Variants in TMPRSS15 observed in about 807,000 individuals in gnomAD.
TMPRSS15 encodes transmembrane serine protease 15, also known as enteropeptidase.
TMPRSS15 carries 128 observed loss-of-function variants against 125.3 expected under a neutral mutation model. That is an observed-to-expected ratio of 1.02 (90% CI 0.89 to 1.18). TMPRSS15 has a LOEUF of 1.18. TMPRSS15 is among the 50% of genes most tolerant of loss of function. The pLI, the probability that TMPRSS15 is intolerant of heterozygous loss-of-function variation, is 0.00. For synonymous variants in TMPRSS15, 446 were observed against 423.2 expected (o/e 1.05, Z -0.66); for missense variants, 1,283 against 1,212.7 (o/e 1.06, Z -0.86).
intron 6 of TMPRSS15, among the ~76,000 whole-genome samples, chr21:18,365,745 T>C: frequency 7.6e-6 from 1 of 131,190 alleles, no homozygotes; most frequent in African/African-American, 3.3e-5. Flanking sequence ...CTTTTTTCCT[T>C]TTTTTTTTTT....
In TMPRSS15 at chr21:18,359,689, A is replaced by G. The variant is rs908555041; in HGVS notation, c.880+68T>C. The G allele has an allele frequency of 6.7e-6, 5 of 746,794 alleles. No individual in the cohort carries two copies. In the African/African-American group the frequency reaches 8.8e-5, roughly 13 times the overall value. The allele number at this position is 746,794 out of a possible 1,614,324, so 46.3% of individuals were successfully genotyped here. A position where few individuals can be genotyped will look rare whatever the true frequency, so the allele number is the denominator to read the frequency against. Reference sequence around the variant, plus strand: ...TTCACTTCAAAATCAAAGGGAAAACATACCACTCCAAAAATTTACCCACAT... The same window carrying G: ...TTCACTTCAAAATCAAAGGGAAAACGTACCACTCCAAAAATTTACCCACAT... On this transcript the variant is annotated intron_variant, in intron 8 of 24. Transcript: ENST00000284885.
intron 6 of TMPRSS15, among the ~76,000 whole-genome samples, chr21:18,369,088 T>A (rs903430766): frequency 2.0e-5 from 3 of 151,646 alleles, no homozygotes; most frequent in African/African-American, 7.3e-5. Flanking sequence ...TAGTGCAGCA[T>A]CAGAAAAAAA....
chr21:18,427,298 C>T (rs2076204794), intron 1 of TMPRSS15, among the ~76,000 whole-genome samples: 1 of 152,178 alleles, frequency 6.6e-6, no homozygotes, highest in South Asian at 2.1e-4. Flanking sequence ...TGAAAGTGTA[C>T]AGCTTTTTTA....
intron 1 of TMPRSS15, among the ~76,000 whole-genome samples, chr21:18,402,309 A>G (rs1404523367): frequency 6.6e-6 from 1 of 152,146 alleles, no homozygotes; most frequent in Non-Finnish European, 1.5e-5. Flanking sequence ...AGGTGGGCAG[A>G]TACGAGGTCA....
At chr21:18,460,457 C>A (rs1014062448) in intron 1 of TMPRSS15, 42 of 151,944 alleles carry the variant, frequency 2.8e-4, no homozygotes, top group African/African-American at 1.0e-3. Context: ...AATATTTTAC[C>A]TAAGTTATTC....
At chr21:18,467,190 A>T (rs1275695184) in intron 1 of TMPRSS15, among the ~76,000 whole-genome samples, 1 of 152,096 alleles carries the variant, frequency 6.6e-6, no homozygotes, top group Non-Finnish European at 1.5e-5. Flanking sequence ...GTTCTCACTC[A>T]TAAGTGGGAG....
intron 21 of TMPRSS15, among the ~76,000 whole-genome samples, chr21:18,292,438 A>T (rs1312579609): frequency 6.6e-6 from 1 of 152,164 alleles, no homozygotes; most frequent in Non-Finnish European, 1.5e-5. Context: ...CTCTGGTAAC[A>T]ATTGGACATG....
At chr21:18,368,343 A>G (rs1259109431) in intron 6 of TMPRSS15, among the ~76,000 whole-genome samples, 5 of 152,224 alleles carry the variant, frequency 3.3e-5, no homozygotes, top group African/African-American at 1.2e-4. Context: ...TCCTGAGCAC[A>G]TGACTAAACT....
chr21:18,310,195 C>G (rs548869439), intron 18 of TMPRSS15, among the ~76,000 whole-genome samples: 8 of 152,178 alleles, frequency 5.3e-5, no homozygotes, highest in Admixed American at 4.6e-4. Context: ...CAGTATAACA[C>G]TGAAAGTCCT....
intron 15 of TMPRSS15, among the ~76,000 whole-genome samples, chr21:18,328,319 G>A (rs2075312877): frequency 7.9e-5 from 12 of 152,092 alleles, no homozygotes; most frequent in Admixed American, 7.9e-4. Flanking sequence ...CTACACAGAA[G>A]CAGCTAGTAC....
Position 18,269,317 on chromosome 21 carries a change from A to G in TMPRSS15, c.*652T>C, listed in dbSNP as rs955677816. ...TGCTTGAAATAAATAGGTAAAATTT[A>G]TCTAATATACAATGACTATATCAGT... On this transcript the variant is annotated 3_prime_UTR_variant, in exon 25 of 25. Transcript: ENST00000284885. 3 of 152,222 alleles carry G rather than the reference A, an allele frequency of 2.0e-5. No individual in the cohort carries two copies. The highest frequency in any genetic ancestry group is 6.5e-5 in the Admixed American group (1 of 15,282). 9.4% of individuals were successfully genotyped at this position (152,222 alleles called of 1,614,324 possible).
intron 1 of TMPRSS15, among the ~76,000 whole-genome samples, chr21:18,459,751 T>A (rs1378877376): frequency 2.6e-5 from 4 of 152,206 alleles, no homozygotes; most frequent in Non-Finnish European, 5.9e-5. Flanking sequence ...ATGGGAATTG[T>A]TTTAAATATA....
At chr21:18,459,403 A>T (rs550611139) in intron 1 of TMPRSS15, among the ~76,000 whole-genome samples, 85 of 151,968 alleles carry the variant, frequency 5.6e-4, no homozygotes, top group Non-Finnish European at 1.1e-3. Context: ...CCTCTCGAGT[A>T]GCTGGGACTG....
intron 1 of TMPRSS15, among the ~76,000 whole-genome samples, chr21:18,468,554 GT>G (rs1978712831): frequency 1.3e-5 from 2 of 151,874 alleles, no homozygotes; most frequent in African/African-American, 4.8e-5. Context: ...TCAACAAAAA[GT>G]TTTGCCTTTT....
chr21:18,482,623 AT>A (rs956174214), intron 1 of TMPRSS15, among the ~76,000 whole-genome samples: 3 of 151,146 alleles, frequency 2.0e-5, no homozygotes, highest in Admixed American at 1.3e-4. Flanking sequence ...TATTCCTTCA[AT>A]TTTTTTTGTA....
intron 17 of TMPRSS15, among the ~76,000 whole-genome samples, chr21:18,314,419 C>T (rs961082641): frequency 1.8e-4 from 28 of 152,238 alleles, no homozygotes; most frequent in African/African-American, 5.1e-4. Context: ...GCTGGGATTA[C>T]AGGCACCCAC....
rs1247245931 is a variant in TMPRSS15 at position 18,297,849 on chromosome 21, G to T, written c.2166-20C>A. 1 of 1,549,098 alleles carries T rather than the reference G, an allele frequency of 6.5e-7. No individual in the cohort carries two copies. The highest frequency in any genetic ancestry group is 8.9e-7 in the Non-Finnish European group (1 of 1,121,644). On this transcript the variant is annotated intron_variant, in intron 18 of 24. Coordinates refer to ENST00000284885, the MANE Select transcript of TMPRSS15 (RefSeq NM_002772.3). ...CCACTCCTAGAGAAAAAAGAAAAAA[G>T]CATACAGACAAAACAAAAGCATAAA...
chr21:18,431,381 A>C (rs1193400336), intron 1 of TMPRSS15, among the ~76,000 whole-genome samples: 2 of 152,024 alleles, frequency 1.3e-5, no homozygotes, highest in Non-Finnish European at 2.9e-5. Context: ...TATTATGTAA[A>C]GTTTTATCAT....
chr21:18,447,973 G>A (rs1306363338), intron 1 of TMPRSS15, among the ~76,000 whole-genome samples: 2 of 152,086 alleles, frequency 1.3e-5, no homozygotes, highest in Non-Finnish European at 2.9e-5. Context: ...AGGAAATGCT[G>A]GTGAGGATGT....
Sources: allele counts gnomAD v4.1 joint callset (sites outside exome capture counted in the v4.1 genomes callset), GRCh38; gene constraint gnomAD v4.1.1; transcripts MANE v1.5; gene names NCBI Gene and HGNC (gene_info 2026-07-23, HGNC 2026-07-21).